PDS5A: variants seen among roughly 807,000 people sequenced by gnomAD.
The protein encoded by PDS5A is sister chromatid cohesion protein PDS5 homolog A.
Under a neutral mutation model 167.1 loss-of-function variants are expected in PDS5A, and 42 were observed. That is an observed-to-expected ratio of 0.25 (90% CI 0.20 to 0.33). The LOEUF is 0.33. PDS5A is among the 10% of genes least tolerant of loss of function. PDS5A has a pLI of 1.00. For synonymous variants in PDS5A, 553 were observed against 554.6 expected (o/e 1.00, Z 0.04); for missense variants, 1,033 against 1,605.9 (o/e 0.64, Z 6.10).
At chr4:39,928,204 G>T (rs1320810204) in intron 2 of PDS5A, 40 bp from the exon 3 acceptor site, 1 of 1,348,912 alleles carries the variant, frequency 7.4e-7, no homozygotes, top group Non-Finnish European at 1.0e-6. Flanking sequence ...TTAACTCCTG[G>T]AATTTAGAAA....
Position 39,873,156 on chromosome 4 carries a change from A to C in PDS5A, c.2278-12T>G. ...CTCCTACTGAGTGGCTATAAAAATA[A>C]AACAGACAAAATTACCAATTTGTTT... On this transcript the variant is annotated splice_polypyrimidine_tract_variant and intron_variant, in intron 20 of 32. Coordinates refer to ENST00000303538, the MANE Select transcript of PDS5A (RefSeq NM_001100399.2). The C allele has an allele frequency of 6.9e-7, 1 of 1,447,600 alleles. No individual in the cohort carries two copies. Among genetic ancestry groups the C allele is most frequent in the Non-Finnish European group, 9.3e-7 (1 of 1,077,986 alleles). 89.7% of individuals were successfully genotyped at this position (1,447,600 alleles called of 1,614,324 possible).
intron 9 of PDS5A, among the ~76,000 whole-genome samples, chr4:39,910,906 G>C (rs1723825016): frequency 6.6e-6 from 1 of 152,124 alleles, no homozygotes. Flanking sequence ...GCTGAGGTGG[G>C]TGGATTGCTT....
chr4:39,906,917 T>TAAAAA (rs1191690836), intron 11 of PDS5A, among the ~76,000 whole-genome samples: 36 of 53,944 alleles, frequency 6.7e-4, no homozygotes, highest in African/African-American at 1.5e-3. Context: ...ATTTCTTACA[T>TAAAAA]AAAAAAAAAA....
chr4:39,975,513 C>A (rs1421336509), intron 2 of PDS5A, among the ~76,000 whole-genome samples: 1 of 152,220 alleles, frequency 6.6e-6, no homozygotes, highest in Non-Finnish European at 1.5e-5. Context: ...GATTCTAACT[C>A]TGAAAAGTTG....
At chr4:39,960,967 C>A (rs1300216534) in intron 2 of PDS5A, among the ~76,000 whole-genome samples, 1 of 152,048 alleles carries the variant, frequency 6.6e-6, no homozygotes, top group Non-Finnish European at 1.5e-5. Flanking sequence ...GCAGTACAGG[C>A]GTGAGCCACC....
At chr4:39,835,157 C>A (rs305127) in intron 32 of PDS5A, among the ~76,000 whole-genome samples, 1 of 152,014 alleles carries the variant, frequency 6.6e-6, no homozygotes, top group Non-Finnish European at 1.5e-5. Context: ...TCAGGCTGAT[C>A]TTGAACTCCT....
intron 2 of PDS5A, among the ~76,000 whole-genome samples, chr4:39,959,644 T>C (rs2109804209): frequency 6.6e-6 from 1 of 152,256 alleles, no homozygotes; most frequent in East Asian, 1.9e-4. Flanking sequence ...AGCAAGGCAT[T>C]AATTTTATAA....
At chr4:39,953,114 T>C (rs937593242) in intron 2 of PDS5A, among the ~76,000 whole-genome samples, 2 of 152,192 alleles carry the variant, frequency 1.3e-5, no homozygotes, top group African/African-American at 4.8e-5. Flanking sequence ...TTTTCCTCCA[T>C]CCTTAAAACG....
chr4:39,900,318 G>A (rs1043303100), intron 14 of PDS5A, 108 bp downstream of exon 14: 1 of 673,892 alleles, frequency 1.5e-6, no homozygotes, highest in Non-Finnish European at 2.6e-6. Context: ...CTGACATTTG[G>A]AAAATAAAAC....
At chr4:39,856,233 G>A (rs769243080) in intron 26 of PDS5A, among the ~76,000 whole-genome samples, 9 of 152,082 alleles carry the variant, frequency 5.9e-5, no homozygotes, top group Non-Finnish European at 1.0e-4. Flanking sequence ...CCAACAACTC[G>A]TCAACCAAGA....
intron 3 of PDS5A, among the ~76,000 whole-genome samples, chr4:39,927,586 C>T (rs1013950190): frequency 4.6e-5 from 7 of 152,104 alleles, no homozygotes; most frequent in East Asian, 1.9e-4. Context: ...TGCTGAATAA[C>T]TTATAGGGGA....
chr4:39,932,485 G>A (rs763109877), intron 2 of PDS5A: 12 of 227,112 alleles, frequency 5.3e-5, no homozygotes, highest in Non-Finnish European at 1.1e-4. Flanking sequence ...TGTGGTGGCT[G>A]TGAAGGTCCT....
intron 26 of PDS5A, among the ~76,000 whole-genome samples, chr4:39,857,070 T>G (rs1718586220): frequency 1.3e-5 from 2 of 151,610 alleles, no homozygotes; most frequent in African/African-American, 4.8e-5. Context: ...ATACTAAAAA[T>G]GGCCGGGTGC....
intron 2 of PDS5A, 32 bp downstream of exon 2, chr4:39,976,408 C>T: frequency 6.3e-7 from 1 of 1,595,388 alleles, no homozygotes; most frequent in Non-Finnish European, 8.6e-7. Flanking sequence ...GCGCCTTCTA[C>T]CAAAGACATC....
At position 39,908,449 on chromosome 4, in the gene PDS5A, G is replaced by A. The variant is rs1246718652; in HGVS notation, c.1179C>T (p.Ala393=). Residue 393 remains alanine (A), a synonymous_variant, in exon 11 of 33, where the codon GCC becomes GCT. Transcript: ENST00000303538. ...TIITAAKRDL[A]LVNDQLLGFV... ...AGCCAAGCAGCTGATCATTTACTAA[G>A]GCCAGGTCCCTCTTGGCAGCTGTTA... is the stretch of plus-strand genomic sequence containing the variant. 1 of 1,611,506 alleles carries A rather than the reference G, an allele frequency of 6.2e-7. No homozygotes were observed. Among genetic ancestry groups the A allele is most frequent in the East Asian group, 2.2e-5 (1 of 44,864 alleles).
At position 39,901,576 on chromosome 4, in the gene PDS5A, T is replaced by C. The variant is rs375901289; in HGVS notation, c.1499+771A>G. Among the ~76,000 whole-genome samples, 43 of 152,232 alleles carry C rather than the reference T, an allele frequency of 2.8e-4. No homozygotes were observed. The East Asian group carries it at 3.9e-3, about 14-fold the overall frequency. On this transcript the variant is annotated intron_variant, in intron 13 of 32. Transcript: ENST00000303538. ...TTAGCCTCCACGTCCGGCCTAAAAA[T>C]GCAGTCTTAATCTAATAATGCAGGA...
At chr4:39,906,202 T>C (rs918908207) in intron 11 of PDS5A, among the ~76,000 whole-genome samples, 3 of 152,044 alleles carry the variant, frequency 2.0e-5, no homozygotes, top group Non-Finnish European at 4.4e-5. Flanking sequence ...ACCCCGTCTC[T>C]ACAAAAAATA....
chr4:39,874,511 T>C (rs962572323), intron 19 of PDS5A, 99 bp from the exon 20 acceptor site: 2 of 897,074 alleles, frequency 2.2e-6, no homozygotes, highest in Non-Finnish European at 1.7e-6. Flanking sequence ...TGGATGCTAG[T>C]AGAGAAGGCT....
intron 2 of PDS5A, among the ~76,000 whole-genome samples, chr4:39,934,780 ATT>A (rs1363691971): frequency 6.6e-6 from 1 of 151,702 alleles, no homozygotes; most frequent in African/African-American, 2.4e-5. Context: ...CTCTATAAAT[ATT>A]TTTTTGAGAC....
Sources: allele counts gnomAD v4.1 joint callset (sites outside exome capture counted in the v4.1 genomes callset), GRCh38; gene constraint gnomAD v4.1.1; transcripts MANE v1.5; gene names NCBI Gene and HGNC (gene_info 2026-07-23, HGNC 2026-07-21).